The following LRRC37A variants were observed in gnomAD, a reference collection of about 807,000 sequenced individuals.
LRRC37A encodes the protein leucine-rich repeat-containing protein 37A.
In LRRC37A, 3 loss-of-function variants were observed where a neutral mutation model predicts 35.4. The observed-to-expected ratio is 0.08, with a 90% CI of 0.04 to 0.22. LRRC37A has a LOEUF of 0.22. Among genes scored for constraint, LRRC37A ranks in the 10% least tolerant of loss-of-function variants. The pLI, the probability that LRRC37A is intolerant of heterozygous loss-of-function variation, is 1.00. For synonymous variants in LRRC37A, 23 were observed against 215.0 expected, an observed-to-expected ratio of 0.11 and a Z score of 7.81; for missense variants, 67 against 565.3, an observed-to-expected ratio of 0.12 and a Z score of 8.94.
the LRRC37A span, among the ~76,000 whole-genome samples, chr17:46,265,715 A>G: frequency 6.6e-6 from 1 of 152,164 alleles, no homozygotes; most frequent in East Asian, 1.9e-4. Context: ...TGAGCTCAAG[A>G]GATCCTCCTG....
the LRRC37A span, among the ~76,000 whole-genome samples, chr17:46,262,241 C>A: frequency 2.1e-4 from 32 of 152,328 alleles, no homozygotes; most frequent in African/African-American, 7.5e-4. Flanking sequence ...TGAGCCACTG[C>A]ACCGGGCCTC....
At chr17:46,276,080 G>A in the LRRC37A span, among the ~76,000 whole-genome samples, 1 of 152,166 alleles carries the variant, frequency 6.6e-6, no homozygotes. Context: ...TTGTAGAGAC[G>A]AGGTTTCACC....
chr17:46,291,530 T>G (rs918558044), upstream of LRRC37A, among the ~76,000 whole-genome samples: 1 of 151,636 alleles, frequency 6.6e-6, no homozygotes, highest in African/African-American at 2.4e-5. Flanking sequence ...TTGACTGGGC[T>G]ACACTGGGCT....
the LRRC37A span, among the ~76,000 whole-genome samples, chr17:46,258,314 G>GCACC: frequency 6.6e-6 from 1 of 151,906 alleles, no homozygotes; most frequent in African/African-American, 2.4e-5. Flanking sequence ...GGGTTCAAGT[G>GCACC]ATTCTCCTGC....
the LRRC37A span, chr17:46,275,469 T>C: frequency 1.3e-6 from 1 of 752,362 alleles, no homozygotes. Flanking sequence ...TTTTTGAAAA[T>C]GATGCTTTAT....
chr17:46,286,595 TCAAA>T, the LRRC37A span, among the ~76,000 whole-genome samples: 1 of 152,218 alleles, frequency 6.6e-6, no homozygotes, highest in Middle Eastern at 3.4e-3. Flanking sequence ...CCAATGTGTC[TCAAA>T]CATTCACTAT....
At chr17:46,298,756 G>T (rs1354578077) in intron 1 of LRRC37A, among the ~76,000 whole-genome samples, 1 of 96,602 alleles carries the variant, frequency 1.0e-5, no homozygotes, top group Non-Finnish European at 2.1e-5. Flanking sequence ...TGATAGGAGG[G>T]AAGAAAGAGA....
At chr17:46,290,396 G>A (rs1272941124), upstream of LRRC37A, among the ~76,000 whole-genome samples, 6 of 152,140 alleles carry the variant, frequency 3.9e-5, no homozygotes, top group Admixed American at 2.0e-4. Context: ...AGAATGCTGG[G>A]ATTACAGGCT....
At chr17:46,275,745 G>A in the LRRC37A span, among the ~76,000 whole-genome samples, 30 of 152,036 alleles carry the variant, frequency 2.0e-4, no homozygotes, top group Non-Finnish European at 3.8e-4. Flanking sequence ...TGAAAGGTGC[G>A]TGTGTGTGTG....
chr17:46,280,309 A>T, the LRRC37A span, among the ~76,000 whole-genome samples: 114 of 152,240 alleles, frequency 7.5e-4, 1 homozygote, highest in African/African-American at 2.6e-3. Context: ...GGTTGCAGTG[A>T]GGTGAGATTG....
At chr17:46,281,859 G>C in the LRRC37A span, among the ~76,000 whole-genome samples, 4 of 152,088 alleles carry the variant, frequency 2.6e-5, no homozygotes, top group Non-Finnish European at 5.9e-5. Flanking sequence ...GGCCAGGCTG[G>C]TCTCAAACTC....
At chr17:46,258,613 G>A in the LRRC37A span, among the ~76,000 whole-genome samples, 2 of 151,974 alleles carry the variant, frequency 1.3e-5, no homozygotes, top group Non-Finnish European at 2.9e-5. Context: ...TAAAGAAACT[G>A]TGGTATAGAT....
At chr17:46,319,212 ATTTTTTTTTTTTTTTTTT>A (rs1225879085) in intron 5 of LRRC37A, among the ~76,000 whole-genome samples, 1 of 1,640 alleles carries the variant, frequency 6.1e-4, no homozygotes, top group Admixed American at 4.4e-3. Context: ...ATTGTGGTCA[ATTTTTTTTTTTTTTTTTT>A]TTTTTTTTTT....
At chr17:46,279,510 T>C in the LRRC37A span, among the ~76,000 whole-genome samples, 2 of 150,088 alleles carry the variant, frequency 1.3e-5, no homozygotes, top group Admixed American at 6.6e-5. Flanking sequence ...CTTTTTTTTT[T>C]TTTTTTTTTG....
At chr17:46,253,345 G>T in the LRRC37A span, among the ~76,000 whole-genome samples, 1 of 152,062 alleles carries the variant, frequency 6.6e-6, no homozygotes, top group South Asian at 2.1e-4. Context: ...CCCAGACGGG[G>T]TGGCGGCCGG....
At chr17:46,331,368 A>G (rs1480557142) in exon 9 of LRRC37A, 1 of 1,087,240 alleles carries the variant, frequency 9.2e-7, no homozygotes. Context: ...TCCTTAGGAG[A>G]CCTGAGTCCT....
the LRRC37A span, among the ~76,000 whole-genome samples, chr17:46,268,023 T>C: frequency 8.1e-5 from 12 of 147,710 alleles, no homozygotes; most frequent in South Asian, 2.4e-3. Context: ...GCCCTCAGCC[T>C]CCCAAGTAGC....
At chr17:46,279,633 G>A in the LRRC37A span, among the ~76,000 whole-genome samples, 1 of 151,968 alleles carries the variant, frequency 6.6e-6, no homozygotes, top group East Asian at 1.9e-4. Context: ...GAGTAGCTGG[G>A]ATCATGGGTG....
At chr17:46,265,288 C>G in the LRRC37A span, among the ~76,000 whole-genome samples, 1 of 108,902 alleles carries the variant, frequency 9.2e-6, no homozygotes, top group Admixed American at 1.1e-4. Context: ...TCTTCTTCTT[C>G]TTCTTCTTCT....
Sources: gnomAD v4.1 joint callset for allele counts (sites outside exome capture counted in the v4.1 genomes callset) on GRCh38, gnomAD v4.1.1 for gene constraint, MANE v1.5 for transcripts, NCBI Gene and HGNC (gene_info 2026-07-23, HGNC 2026-07-21) for gene names.